The following MARCHF6 variants were observed in gnomAD, a reference collection of about 807,000 sequenced individuals.
The protein encoded by MARCHF6 is membrane associated ring-CH-type finger 6, also known as E3 ubiquitin-protein ligase MARCHF6.
Under a neutral mutation model 133.7 loss-of-function variants are expected in MARCHF6, and 31 were observed. The observed-to-expected ratio is 0.23, with a 90% confidence interval of 0.17 to 0.31. The LOEUF (loss-of-function observed/expected upper bound fraction) is 0.31, where lower values mean the gene tolerates loss of function less well. Among genes scored for constraint, MARCHF6 ranks in the 10% least tolerant of loss-of-function variants. The pLI is 1.00. For synonymous variants in MARCHF6, 395 were observed against 402.5 expected (o/e 0.98, Z 0.22); for missense variants, 723 against 1,121.6 (o/e 0.64, Z 5.08).
At chr5:10,411,033 TGTAA>T (rs10582223) in intron 18 of MARCHF6, among the ~76,000 whole-genome samples, 25,403 of 152,078 alleles carry the variant, frequency 0.17, 3,296 homozygotes, top group East Asian at 0.67. Context: ...CAAGTGTACT[TGTAA>T]GTATCTTGTA....
intron 15 of MARCHF6, 61 bp downstream of exon 15, chr5:10,403,602 C>T: frequency 1.4e-6 from 2 of 1,449,932 alleles, no homozygotes; most frequent in Non-Finnish European, 9.4e-7. Context: ...GCTTTCACCA[C>T]CAGTCATGTC....
intron 3 of MARCHF6, among the ~76,000 whole-genome samples, chr5:10,381,382 G>A (rs144911086): frequency 2.0e-4 from 31 of 152,304 alleles, no homozygotes; most frequent in African/African-American, 7.2e-4. Context: ...GCTATTTAAT[G>A]CTTATATTTG....
intron 1 of MARCHF6, among the ~76,000 whole-genome samples, chr5:10,357,530 C>CAA (rs1475822534): frequency 6.6e-6 from 1 of 152,090 alleles, no homozygotes; most frequent in Non-Finnish European, 1.5e-5. Context: ...TGTTCTATAT[C>CAA]ACTATGGCAA....
chr5:10,428,090 G>A (rs1740182954), intron 24 of MARCHF6, among the ~76,000 whole-genome samples: 2 of 151,980 alleles, frequency 1.3e-5, no homozygotes, highest in South Asian at 4.1e-4. Flanking sequence ...CTCAACACAG[G>A]TTTGTATAGA....
At chr5:10,433,341 C>T (rs1220430683) in intron 25 of MARCHF6, among the ~76,000 whole-genome samples, 2 of 152,190 alleles carry the variant, frequency 1.3e-5, no homozygotes, top group Non-Finnish European at 2.9e-5. Flanking sequence ...TTCTGAGACC[C>T]CCTAAACCAC....
In MARCHF6 at chr5:10,424,990, G is replaced by A. The variant is rs572249727; in HGVS notation, c.2373+1166G>A. ...ATAACAGATTTTGCTGCTACTTTAC[G>A]CTTTAGCTATATGGCAAATGTACTT... is the stretch of plus-strand genomic sequence containing the variant. On this transcript the variant is annotated intron_variant, in intron 23 of 25. Transcript: ENST00000274140. Among the ~76,000 whole-genome samples the A allele has an allele frequency of 8.5e-5, 13 of 152,254 alleles. No homozygotes were observed. In the South Asian group the frequency reaches 2.1e-3, roughly 24 times the overall value.
chr5:10,371,761 A>G (rs1289224770), intron 1 of MARCHF6, among the ~76,000 whole-genome samples: 2 of 152,140 alleles, frequency 1.3e-5, no homozygotes, highest in African/African-American at 2.4e-5. Context: ...GCTTTTTTAT[A>G]CTTTTTTTTC....
chr5:10,406,146 C>G (rs1738875001), intron 16 of MARCHF6, among the ~76,000 whole-genome samples: 1 of 152,204 alleles, frequency 6.6e-6, no homozygotes. Context: ...GCCTGATGAT[C>G]TGAAGCAGAA....
intron 7 of MARCHF6, among the ~76,000 whole-genome samples, chr5:10,393,697 T>C (rs1248684550): frequency 6.6e-6 from 1 of 152,234 alleles, no homozygotes; most frequent in Non-Finnish European, 1.5e-5. Context: ...ATTCCTCTTG[T>C]ATGATCTGAT....
intron 5 of MARCHF6, 120 bp from the exon 6 acceptor site, chr5:10,390,212 A>G: frequency 1.3e-6 from 1 of 759,548 alleles, no homozygotes; most frequent in Admixed American, 2.8e-5. Flanking sequence ...AAAAATTATG[A>G]TTTATTCTTC....
intron 10 of MARCHF6, among the ~76,000 whole-genome samples, chr5:10,399,490 A>G (rs752517430): frequency 1.3e-5 from 2 of 152,100 alleles, no homozygotes; most frequent in African/African-American, 2.4e-5. Context: ...TATTTCTACC[A>G]TAAAGAAAAG....
intron 1 of MARCHF6, among the ~76,000 whole-genome samples, chr5:10,367,194 G>A (rs147884276): frequency 1.7e-3 from 256 of 152,250 alleles, no homozygotes; most frequent in African/African-American, 6.0e-3. Flanking sequence ...AGGAGCCCAA[G>A]GAGACATGAC....
intron 20 of MARCHF6, among the ~76,000 whole-genome samples, chr5:10,414,885 C>T (rs951943165): frequency 1.3e-5 from 2 of 152,134 alleles, no homozygotes; most frequent in Admixed American, 6.5e-5. Flanking sequence ...TGAGGCACTC[C>T]CTTAGACTGC....
intron 1 of MARCHF6, among the ~76,000 whole-genome samples, chr5:10,367,200 A>G (rs1736188980): frequency 1.3e-5 from 2 of 152,358 alleles, no homozygotes; most frequent in East Asian, 1.9e-4. Context: ...CCAAGGAGAC[A>G]TGACAACTAA....
Position 10,426,373 on chromosome 5 carries a change from T to A in MARCHF6, c.2374-17T>A. 6.2e-7 allele frequency: 1 copy of A among 1,612,058 alleles called. No individual in the cohort carries two copies. Among genetic ancestry groups the A allele is most frequent in the Non-Finnish European group, 8.5e-7 (1 of 1,179,060 alleles). On this transcript the variant is annotated splice_polypyrimidine_tract_variant and intron_variant, in intron 23 of 25. Transcript: ENST00000274140. Reference sequence around the variant, plus strand: ...TGTCTTGTATCTTTGTTCTAATTGCTTTTTGTAATGTTTCAGGTTTACGCA... The same window carrying A: ...TGTCTTGTATCTTTGTTCTAATTGCATTTTGTAATGTTTCAGGTTTACGCA...
In MARCHF6 at chr5:10,407,569, A is replaced by C. The variant is rs565170496; in HGVS notation, c.1553+367A>C. Among the ~76,000 whole-genome samples, 381 of 152,368 alleles carry C rather than the reference A, an allele frequency of 2.5e-3. 3 individuals carry two copies. Among genetic ancestry groups the C allele is most frequent in the African/African-American group, 8.8e-3 (365 of 41,588 alleles). On this transcript the variant is annotated intron_variant, in intron 17 of 25. Coordinates refer to ENST00000274140, the MANE Select transcript of MARCHF6 (RefSeq NM_005885.4). The stretch of plus-strand genomic sequence containing the variant: ...GCATCATCTTTATTTTGAAAAGCAC[A>C]TTATAAAGAATAAAGCCAGAGTTGC...
chr5:10,425,397 A>C (rs1011737509), intron 23 of MARCHF6, among the ~76,000 whole-genome samples: 1 of 152,188 alleles, frequency 6.6e-6, no homozygotes, highest in African/African-American at 2.4e-5. Context: ...ATTTATTCAT[A>C]CTGGAGGCTG....
chr5:10,396,925 C>G (rs1427908922), intron 9 of MARCHF6, among the ~76,000 whole-genome samples: 3 of 152,170 alleles, frequency 2.0e-5, no homozygotes, highest in African/African-American at 7.2e-5. Flanking sequence ...ATGATGTTTA[C>G]AATTAATTTG....
intron 1 of MARCHF6, among the ~76,000 whole-genome samples, chr5:10,369,365 A>G (rs1365460710): frequency 2.0e-5 from 3 of 152,186 alleles, no homozygotes; most frequent in African/African-American, 7.2e-5. Flanking sequence ...TTCAATCTAC[A>G]ATTTCATTAG....
Sources: gnomAD v4.1 joint callset for allele counts (sites outside exome capture counted in the v4.1 genomes callset) on GRCh38, gnomAD v4.1.1 for gene constraint, MANE v1.5 for transcripts, NCBI Gene and HGNC (gene_info 2026-07-23, HGNC 2026-07-21) for gene names.